The following CERS3 variants were observed in gnomAD, a reference collection of about 807,000 sequenced individuals.
The protein encoded by CERS3 is LAG1 homolog, ceramide synthase 3.
In CERS3, 33 loss-of-function variants were observed where a neutral mutation model predicts 50.3. The ratio of observed to expected loss-of-function variants is 0.66; its 90% CI spans 0.50 to 0.88. CERS3 has a LOEUF of 0.88. CERS3 is among the 40% of genes least tolerant of loss of function. The pLI is 0.00. For missense variants in CERS3, 470 were observed against 460.3 expected (o/e 1.02, Z -0.19); for synonymous variants, 176 against 155.2 (o/e 1.13, Z -0.99).
At chr15:100,502,267 A>AAAAAAAAAAAAAAG (rs2036033219) in intron 2 of CERS3, among the ~76,000 whole-genome samples, 24 of 109,258 alleles carry the variant, frequency 2.2e-4, no homozygotes, top group Admixed American at 7.1e-4. Context: ...AAAAAAAAAA[A>AAAAAAAAAAAAAAG]AAAGAAAGAA....
chr15:100,418,124 A>G (rs2032108506), intron 11 of CERS3, among the ~76,000 whole-genome samples: 1 of 151,984 alleles, frequency 6.6e-6, no homozygotes, highest in Non-Finnish European at 1.5e-5. Flanking sequence ...CAGACGATCA[A>G]ATTACTCTGA....
intron 11 of CERS3, among the ~76,000 whole-genome samples, chr15:100,413,753 C>T (rs1399321686): frequency 2.1e-5 from 3 of 141,334 alleles, no homozygotes; most frequent in Admixed American, 1.5e-4. Context: ...AACCTAACCA[C>T]CAACCCCACA....
In CERS3 at chr15:100,463,913, C is replaced by G. The variant is rs184362504; in HGVS notation, c.845+5465G>C. Among the ~76,000 whole-genome samples, 9 of 152,346 alleles carry G rather than the reference C, an allele frequency of 5.9e-5. 1 individual carries two copies. The highest frequency in any genetic ancestry group is 5.2e-4 in the Admixed American group (8 of 15,300). On this transcript the variant is annotated intron_variant, in intron 10 of 11. Coordinates refer to ENST00000679737, the MANE Select transcript of CERS3 (RefSeq NM_001378789.1). ...CCTTCAGAGGAAAAGAAGGGTCCAT[C>G]ATTCCCTCATCCCGGGTCCCCACTG...
Position 100,402,607 on chromosome 15 carries a change from T to G in CERS3, c.*106A>C. The G allele has an allele frequency of 9.0e-7, 1 of 1,111,792 alleles. No individual in the cohort carries two copies. The highest frequency in any genetic ancestry group is 1.3e-6 in the Non-Finnish European group (1 of 780,980). 68.9% of individuals were successfully genotyped at this position (1,111,792 alleles called of 1,614,324 possible). A position where few individuals can be genotyped will look rare whatever the true frequency, so the allele number is the denominator to read the frequency against. On this transcript the variant is annotated 3_prime_UTR_variant, in exon 12 of 12. Transcript: ENST00000679737. The stretch of plus-strand genomic sequence containing the variant: ...TCTTAGGTGGGAGGGAAGGCGGTGG[T>G]GAGAAAGAGGGAAGGGCAGAATGTG...
chr15:100,530,880 T>G (rs989766757), upstream of CERS3, among the ~76,000 whole-genome samples: 9 of 152,050 alleles, frequency 5.9e-5, no homozygotes, highest in Admixed American at 5.9e-4. Flanking sequence ...GTCAGGAGTT[T>G]GAGACCAGCC....
chr15:100,523,633 G>A (rs545974380), intron 1 of CERS3, among the ~76,000 whole-genome samples: 4 of 151,038 alleles, frequency 2.6e-5, no homozygotes, highest in South Asian at 2.1e-4. Context: ...CCTAGGAGGC[G>A]GAGCTTGCAG....
intron 10 of CERS3, among the ~76,000 whole-genome samples, chr15:100,463,786 TTCCTTTTCTTTGCTGGTTGC>T (rs2034626698): frequency 1.3e-5 from 2 of 152,192 alleles, no homozygotes; most frequent in Non-Finnish European, 2.9e-5. Context: ...GCCTTGTACC[TTCCTTTTCTTTGCTGGTTGC>T]GCAAACGGCA....
intron 4 of CERS3, 34 bp downstream of exon 4, chr15:100,490,783 T>C: frequency 7.5e-7 from 1 of 1,340,434 alleles, no homozygotes; most frequent in Non-Finnish European, 1.1e-6. Flanking sequence ...AGAAAGAAGA[T>C]TTTTAAGTCG....
chr15:100,403,756 C>G (rs1390605683), intron 11 of CERS3, among the ~76,000 whole-genome samples: 1 of 152,096 alleles, frequency 6.6e-6, no homozygotes, highest in Non-Finnish European at 1.5e-5. Flanking sequence ...AATCAAAAAC[C>G]TGAAAAACAG....
chr15:100,470,907 T>C (rs1467491844), intron 9 of CERS3, among the ~76,000 whole-genome samples: 1 of 152,058 alleles, frequency 6.6e-6, no homozygotes, highest in Non-Finnish European at 1.5e-5. Context: ...GAAAGATGAA[T>C]AGGCACCATC....
intron 2 of CERS3, among the ~76,000 whole-genome samples, chr15:100,510,890 C>T (rs1176721855): frequency 6.6e-6 from 1 of 152,162 alleles, no homozygotes; most frequent in Non-Finnish European, 1.5e-5. Context: ...GAGACTGTGA[C>T]TCTAATAATA....
At chr15:100,512,256 T>A (rs1371498347) in intron 2 of CERS3, among the ~76,000 whole-genome samples, 1 of 152,196 alleles carries the variant, frequency 6.6e-6, no homozygotes, top group African/African-American at 2.4e-5. Context: ...CTTTACATAT[T>A]TTCCCTTTGC....
At chr15:100,477,687 G>A (rs759617605) in intron 7 of CERS3, among the ~76,000 whole-genome samples, 3 of 152,128 alleles carry the variant, frequency 2.0e-5, no homozygotes, top group Non-Finnish European at 4.4e-5. Context: ...AAGCAGTATG[G>A]AGCCCAGAGA....
chr15:100,414,444 G>T (rs562108596), intron 11 of CERS3, among the ~76,000 whole-genome samples: 2 of 151,958 alleles, frequency 1.3e-5, no homozygotes, highest in East Asian at 3.9e-4. Context: ...ATTTCATGTG[G>T]AACCAAAAAA....
chr15:100,491,218 T>G (rs2035642027), intron 3 of CERS3, among the ~76,000 whole-genome samples: 2 of 152,188 alleles, frequency 1.3e-5, no homozygotes, highest in Admixed American at 1.3e-4. Flanking sequence ...CTGTTCTACT[T>G]AGAATTTTAA....
chr15:100,486,441 G>A (rs2035486745), intron 4 of CERS3, among the ~76,000 whole-genome samples: 1 of 152,206 alleles, frequency 6.6e-6, no homozygotes, highest in Non-Finnish European at 1.5e-5. Context: ...CCACCTCCGA[G>A]GGATGATTTG....
rs113454913 is a variant in CERS3 at position 100,455,873 on chromosome 15, A to T, written c.999+20T>A. The T allele has an allele frequency of 6.8e-7, 1 of 1,477,394 alleles. No homozygotes were observed. Among genetic ancestry groups the T allele is most frequent in the Non-Finnish European group, 9.0e-7 (1 of 1,110,334 alleles). 91.5% of individuals were successfully genotyped at this position (1,477,394 alleles called of 1,614,324 possible). ...ACCTGGCAATGACATTAAGAGCAAT[A>T]ATATTTGGACAGCCCTTACCTTCAT... On this transcript the variant is annotated intron_variant, in intron 11 of 11. Coordinates refer to ENST00000679737, the MANE Select transcript of CERS3 (RefSeq NM_001378789.1).
At position 100,437,009 on chromosome 15, in the gene CERS3, T is replaced by C. The variant is rs923809325; in HGVS notation, c.999+18884A>G. On this transcript the variant is annotated intron_variant, in intron 11 of 11. Coordinates refer to ENST00000679737, the MANE Select transcript of CERS3 (RefSeq NM_001378789.1). ...TCCAGGTTGGAGTGCAGTGGTGCAA[T>C]CTCCACTCACTGCAAGCTCCGCCTC... 2.0e-5 allele frequency among the ~76,000 whole-genome samples: 3 copies of C among 150,018 alleles called. No individual in the cohort carries two copies. In the East Asian group the frequency reaches 5.9e-4, roughly 30 times the overall value.
chr15:100,528,040 A>G (rs1001855938), intron 1 of CERS3, among the ~76,000 whole-genome samples: 19 of 152,244 alleles, frequency 1.2e-4, no homozygotes, highest in Admixed American at 2.6e-4. Flanking sequence ...TGGGTTAATG[A>G]ATAAATTAAA....
Sources: allele counts gnomAD v4.1 joint callset (sites outside exome capture counted in the v4.1 genomes callset), GRCh38; gene constraint gnomAD v4.1.1; transcripts MANE v1.5; gene names NCBI Gene and HGNC (gene_info 2026-07-23, HGNC 2026-07-21).